The following TTLL5 variants were observed in gnomAD, a reference collection of about 807,000 sequenced individuals.
The protein encoded by TTLL5 is tubulin polyglutamylase TTLL5.
In TTLL5, 132 loss-of-function variants were observed where a neutral mutation model predicts 168.4. The observed-to-expected ratio is 0.78, with a 90% CI of 0.68 to 0.91. TTLL5 has a LOEUF of 0.91. TTLL5 is among the 40% of genes least tolerant of loss of function. The probability of loss-of-function intolerance (pLI) is 0.00; values close to 1 mark genes in which losing one functional copy is unlikely to be tolerated. For missense variants in TTLL5, 1,545 were observed against 1,581.5 expected (o/e 0.98, Z 0.39); for synonymous variants, 546 against 558.6 (o/e 0.98, Z 0.32).
chr14:75,707,035 G>A lies in TTLL5; in HGVS notation c.603G>A (p.Leu201=), dbSNP rs753322914. The change falls in exon 8 of 32, where the codon CTG becomes CTA. Residue 201 remains leucine, a synonymous_variant. Coordinates refer to ENST00000298832, the MANE Select transcript of TTLL5 (RefSeq NM_015072.5). ...YLINNPNQIS[L]EENILVSRYI... is the part of the protein sequence containing the mutation. ...CTCAATAGCCAAACCAGATCTCCCT[G>A]GAAGAGAACATTTTGGTCTCCCGTT... is the stretch of plus-strand genomic sequence containing the variant. 162 of 1,612,016 alleles carry A rather than the reference G, an allele frequency of 1.0e-4. 2 individuals carry two copies. The East Asian group carries it at 2.5e-3, about 25-fold the overall frequency.
chr14:75,768,626 G>A (rs1420339100), intron 20 of TTLL5, among the ~76,000 whole-genome samples: 1 of 152,128 alleles, frequency 6.6e-6, no homozygotes, highest in African/African-American at 2.4e-5. Flanking sequence ...GTGGGAAGAG[G>A]CCAGAGGAGG....
At chr14:75,822,441 C>T (rs1230801530) in intron 28 of TTLL5, among the ~76,000 whole-genome samples, 3 of 152,176 alleles carry the variant, frequency 2.0e-5, no homozygotes, top group African/African-American at 7.2e-5. Flanking sequence ...ATAAAAGTTA[C>T]TCTCAATAGT....
At chr14:75,776,353 G>C (rs1479802024) in intron 22 of TTLL5, among the ~76,000 whole-genome samples, 1 of 152,154 alleles carries the variant, frequency 6.6e-6, no homozygotes, top group Non-Finnish European at 1.5e-5. Flanking sequence ...GCTGGTATAA[G>C]AGTACCTTCC....
At chr14:75,836,688 G>A (rs913907048) in intron 28 of TTLL5, among the ~76,000 whole-genome samples, 1 of 151,860 alleles carries the variant, frequency 6.6e-6, no homozygotes, top group African/African-American at 2.4e-5. Context: ...CACCTGCTAT[G>A]TATGCAAAAA....
intron 29 of TTLL5, among the ~76,000 whole-genome samples, chr14:75,868,941 G>A (rs1465958127): frequency 2.0e-5 from 3 of 151,736 alleles, no homozygotes; most frequent in Non-Finnish European, 4.4e-5. Context: ...TAGCCATGCA[G>A]GAGGTGTCTT....
chr14:75,876,542 C>T (rs535298990), intron 29 of TTLL5, among the ~76,000 whole-genome samples: 1 of 152,326 alleles, frequency 6.6e-6, no homozygotes, highest in Non-Finnish European at 1.5e-5. Flanking sequence ...GCTTCCGACA[C>T]CTTTGACAGC....
At chr14:75,775,315 G>A (rs1271140220) in intron 21 of TTLL5, among the ~76,000 whole-genome samples, 169 bp from the exon 22 acceptor site, 2 of 151,994 alleles carry the variant, frequency 1.3e-5, no homozygotes, top group South Asian at 2.1e-4. Context: ...TTTTTGTTTT[G>A]TCTTTCTGTA....
chr14:75,723,615 G>A (rs1027027804), intron 12 of TTLL5, among the ~76,000 whole-genome samples: 4 of 152,040 alleles, frequency 2.6e-5, no homozygotes, highest in Non-Finnish European at 5.9e-5. Context: ...TTGTTTGTTT[G>A]TTTGTTTGTT....
chr14:75,880,693 A>C (rs1036377686), intron 29 of TTLL5, among the ~76,000 whole-genome samples: 1 of 152,210 alleles, frequency 6.6e-6, no homozygotes, highest in African/African-American at 2.4e-5. Context: ...AAGGCCCTCA[A>C]ATATGGAAAC....
intron 31 of TTLL5, among the ~76,000 whole-genome samples, chr14:75,941,884 A>G (rs1248438733): frequency 1.6e-5 from 2 of 124,778 alleles, no homozygotes; most frequent in Non-Finnish European, 3.2e-5. Flanking sequence ...TGGAAAAGCT[A>G]TGAGTCATAG....
chr14:75,863,926 A>AGAAAAAAG lies in TTLL5; in HGVS notation c.3522+64_3522+65insGAAAAAAG. The AGAAAAAAG allele has an allele frequency of 1.7e-5, 22 of 1,257,814 alleles. No homozygotes were observed. The East Asian group carries it at 6.3e-4, about 36-fold the overall frequency. 77.9% of individuals were successfully genotyped at this position (1,257,814 alleles called of 1,614,324 possible). ...CTGCTGTTGGTAAAAAAAAAAAAAA[A>AGAAAAAAG]AAAAAAAAGGTCAGTGAATGAGAAA... is the stretch of plus-strand genomic sequence containing the variant. On this transcript the variant is annotated intron_variant, in intron 29 of 31. Transcript: ENST00000298832.
At chr14:75,800,729 G>A (rs904412894) in intron 27 of TTLL5, among the ~76,000 whole-genome samples, 1 of 152,136 alleles carries the variant, frequency 6.6e-6, no homozygotes, top group African/African-American at 2.4e-5. Flanking sequence ...TGCAGTGATT[G>A]TTACTGCCCT....
chr14:75,830,148 A>G (rs371377578), intron 28 of TTLL5, among the ~76,000 whole-genome samples: 1 of 152,198 alleles, frequency 6.6e-6, no homozygotes, highest in African/African-American at 2.4e-5. Context: ...TATTTCCTGT[A>G]TTGACATTTT....
chr14:75,850,556 G>A (rs1467461256), intron 28 of TTLL5, among the ~76,000 whole-genome samples: 1 of 151,930 alleles, frequency 6.6e-6, no homozygotes, highest in Non-Finnish European at 1.5e-5. Flanking sequence ...TATTTATTTA[G>A]GTGCCTAGTA....
At chr14:75,922,896 T>A (rs994509572) in intron 31 of TTLL5, among the ~76,000 whole-genome samples, 4 of 152,210 alleles carry the variant, frequency 2.6e-5, no homozygotes, top group African/African-American at 4.8e-5. Flanking sequence ...AATTATTGCC[T>A]CAATTTCAGA....
At chr14:75,806,456 GA>G (rs1212942046) in intron 27 of TTLL5, among the ~76,000 whole-genome samples, 1 of 152,166 alleles carries the variant, frequency 6.6e-6, no homozygotes, top group Non-Finnish European at 1.5e-5. Flanking sequence ...CCTTTATTTA[GA>G]ATCTGGCTCC....
chr14:75,818,041 T>C (rs1894566545), intron 27 of TTLL5, among the ~76,000 whole-genome samples: 1 of 151,814 alleles, frequency 6.6e-6, no homozygotes, highest in Non-Finnish European at 1.5e-5. Flanking sequence ...GGTTTCACCA[T>C]GTTAGCCAGG....
At chr14:75,758,549 G>A (rs1338869869) in intron 18 of TTLL5, among the ~76,000 whole-genome samples, 14 of 152,160 alleles carry the variant, frequency 9.2e-5, no homozygotes, top group Non-Finnish European at 1.6e-4. Context: ...ACTGAGTTCT[G>A]TTGTTCATTT....
intron 30 of TTLL5, among the ~76,000 whole-genome samples, chr14:75,896,993 C>T (rs1595227607): frequency 6.6e-6 from 1 of 152,146 alleles, no homozygotes; most frequent in East Asian, 1.9e-4. Context: ...GAGACTTGTA[C>T]TAGAAAAAAT....
Sources: gnomAD v4.1 joint callset for allele counts (sites outside exome capture counted in the v4.1 genomes callset) on GRCh38, gnomAD v4.1.1 for gene constraint, MANE v1.5 for transcripts, NCBI Gene and HGNC (gene_info 2026-07-23, HGNC 2026-07-21) for gene names.